FCER1A: variants seen among roughly 807,000 people sequenced by gnomAD.
FCER1A encodes the protein Fc epsilon receptor Ia.
FCER1A carries 24 observed loss-of-function variants against 23.6 expected under a neutral mutation model. The observed-to-expected ratio is 1.02, with a 90% CI of 0.74 to 1.43. The LOEUF is 1.43. FCER1A is among the 40% of genes most tolerant of loss of function. The probability of loss-of-function intolerance (pLI) is 0.00; values close to 1 mark genes in which losing one functional copy is unlikely to be tolerated. For missense variants in FCER1A, 318 were observed against 294.5 expected (o/e 1.08, Z -0.58); for synonymous variants, 121 against 108.8 (o/e 1.11, Z -0.70).
chr1:159,285,774 T>G (rs1651999106), upstream of FCER1A, among the ~76,000 whole-genome samples: 1 of 152,194 alleles, frequency 6.6e-6, no homozygotes, highest in Non-Finnish European at 1.5e-5. Context: ...CTGTATTTTA[T>G]CTGGGAACTC....
upstream of FCER1A, among the ~76,000 whole-genome samples, chr1:159,298,306 C>A (rs572887106): frequency 6.6e-6 from 1 of 152,072 alleles, no homozygotes; most frequent in Non-Finnish European, 1.5e-5. Context: ...GAAATGTGGT[C>A]CCCAATGTTG....
chr1:159,307,270 A>C (rs1652643771), intron 4 of FCER1A, among the ~76,000 whole-genome samples: 1 of 152,232 alleles, frequency 6.6e-6, no homozygotes, highest in Non-Finnish European at 1.5e-5. Context: ...AAATCGGTAC[A>C]GTTTATAAAC....
At position 159,292,374 on chromosome 1, in the gene FCER1A, C is replaced by T. The variant is rs191550932; in HGVS notation, c.-60+2621C>T. On this transcript the variant is annotated intron_variant, in intron 1 of 5. Coordinates refer to the FCER1A transcript ENST00000368115. ...AGTACTTCCCTTAAATATAGTACTT[C>T]CCCAGTCTTCACCATGTAATTACTG... Among the ~76,000 whole-genome samples, 16 of 152,242 alleles carry T rather than the reference C, an allele frequency of 1.1e-4. No individual in the cohort carries two copies. The East Asian group carries it at 2.7e-3, about 26-fold the overall frequency.
At chr1:159,298,560 G>A (rs1411730175), upstream of FCER1A, among the ~76,000 whole-genome samples, 1 of 152,174 alleles carries the variant, frequency 6.6e-6, no homozygotes, top group Non-Finnish European at 1.5e-5. Context: ...TGACTTTCTT[G>A]TGAAAATCTA....
In FCER1A at chr1:159,304,131, C is replaced by T; in HGVS notation, c.280C>T (p.Gln94Ter). ...TGAAGACAGTGGAGAATACAAATGT[C>T]AGCACCAACAAGTTAATGAGAGTGA... is the stretch of plus-strand genomic sequence containing the variant. ...KFEDSGEYKC[Q>*]HQQVNESEPV... The change falls in exon 3 of 5, where the codon CAG becomes TAG. Residue 94 changes from glutamine to a stop codon, truncating the protein, a stop_gained. Transcript: ENST00000693622. LOFTEE classifies it high-confidence loss of function. The T allele has an allele frequency of 6.2e-7, 1 of 1,613,834 alleles. No individual in the cohort carries two copies. The highest frequency in any genetic ancestry group is 8.5e-7 in the Non-Finnish European group (1 of 1,179,756).
chr1:159,293,557 C>T (rs1652214428), intron 1 of FCER1A, among the ~76,000 whole-genome samples: 1 of 110,466 alleles, frequency 9.1e-6, no homozygotes, highest in Admixed American at 1.2e-4. Flanking sequence ...CCCCACCCCA[C>T]AACAGTCCCC....
chr1:159,300,821 C>T (rs1652411841), upstream of FCER1A, among the ~76,000 whole-genome samples: 1 of 152,052 alleles, frequency 6.6e-6, no homozygotes, highest in Non-Finnish European at 1.5e-5. Context: ...ATAACCATGA[C>T]CTGGATACCA....
At chr1:159,303,535 C>T (rs536018590) in intron 2 of FCER1A, among the ~76,000 whole-genome samples, 7 of 152,324 alleles carry the variant, frequency 4.6e-5, no homozygotes, top group African/African-American at 1.7e-4. Context: ...TTCACTCATT[C>T]ATTCACATAA....
At chr1:159,294,960 A>G (rs1472099193) in intron 1 of FCER1A, among the ~76,000 whole-genome samples, 1 of 152,210 alleles carries the variant, frequency 6.6e-6, no homozygotes, top group African/African-American at 2.4e-5. Context: ...CTATGATCAA[A>G]TGCTAACTTT....
chr1:159,304,645 C>T (rs1254714804), intron 3 of FCER1A, among the ~76,000 whole-genome samples: 4 of 152,106 alleles, frequency 2.6e-5, no homozygotes, highest in African/African-American at 7.2e-5. Flanking sequence ...CCCTGCATCT[C>T]TTTTCTTCTA....
chr1:159,305,914 T>C, intron 3 of FCER1A, 74 bp from the exon 4 acceptor site: 2 of 1,335,366 alleles, frequency 1.5e-6, no homozygotes, highest in South Asian at 1.3e-5. Context: ...GCTCTATGCG[T>C]GGCTCTCTTT....
Position 159,303,970 on chromosome 1 carries a change from G to A in FCER1A, c.119G>A (p.Arg40Lys), listed in dbSNP as rs760135453. Residue 40 changes from arginine (R) to lysine (K), a missense_variant, in exon 3 of 5, where the codon AGA (arginine) becomes AAA (lysine). By Grantham distance (26) the Arg-to-Lys change is conservative. Transcript: ENST00000693622. ...GTCTCCTTGAACCCTCCATGGAATA[G>A]AATATTTAAAGGAGAGAATGTGACT... ...PKVSLNPPWNRIFKGENVTLT... is the reference protein window; with the variant it reads ...PKVSLNPPWNKIFKGENVTLT... The A allele has an allele frequency of 1.2e-6, 2 of 1,612,194 alleles. No homozygotes were observed. Among genetic ancestry groups the A allele is most frequent in the East Asian group, 2.2e-5 (1 of 44,866 alleles).
chr1:159,286,623 T>C (rs61828217), upstream of FCER1A, among the ~76,000 whole-genome samples: 19,717 of 152,128 alleles, frequency 0.13, 1,566 homozygotes, highest in Admixed American at 0.17. Flanking sequence ...TAAGCCATCG[T>C]GCCCGGCCTA....
chr1:159,302,119 C>G (rs1229602700), upstream of FCER1A, among the ~76,000 whole-genome samples: 3 of 152,176 alleles, frequency 2.0e-5, no homozygotes, highest in Non-Finnish European at 4.4e-5. Context: ...CTATGCCTCT[C>G]TCTCACCAGA....
At chr1:159,292,492 C>T (rs1321615318) in intron 1 of FCER1A, among the ~76,000 whole-genome samples, 2 of 151,980 alleles carry the variant, frequency 1.3e-5, no homozygotes, top group African/African-American at 4.8e-5. Context: ...ATATATATAC[C>T]TCAAACCCAT....
intron 1 of FCER1A, among the ~76,000 whole-genome samples, chr1:159,294,431 A>T (rs1440108875): frequency 1.3e-5 from 2 of 152,126 alleles, no homozygotes; most frequent in Non-Finnish European, 2.9e-5. Context: ...TCGTACTTTA[A>T]GTCTCTACTT....
chr1:159,297,582 G>C (rs1652324688), upstream of FCER1A, among the ~76,000 whole-genome samples: 1 of 152,142 alleles, frequency 6.6e-6, no homozygotes, highest in Non-Finnish European at 1.5e-5. Context: ...CTGGTGAGAA[G>C]GCTGAGGCAA....
At chr1:159,302,486 A>G in intron 1 of FCER1A, 67 bp downstream of exon 1, 2 of 1,102,418 alleles carry the variant, frequency 1.8e-6, no homozygotes, top group Non-Finnish European at 2.8e-6. Context: ...CTGGGGTAGG[A>G]ACCTTTACTG....
intron 1 of FCER1A, among the ~76,000 whole-genome samples, chr1:159,290,043 A>G (rs1409703112): frequency 6.6e-6 from 1 of 152,172 alleles, no homozygotes; most frequent in Non-Finnish European, 1.5e-5. Flanking sequence ...AGTGATTCAA[A>G]TATAGGTGCT....
Sources: allele counts gnomAD v4.1 joint callset (sites outside exome capture counted in the v4.1 genomes callset), GRCh38; gene constraint gnomAD v4.1.1; transcripts MANE v1.5; gene names NCBI Gene and HGNC (gene_info 2026-07-23, HGNC 2026-07-21).